APOBEC3G: variants seen among roughly 807,000 people sequenced by gnomAD.
APOBEC3G encodes DNA dC->dU-editing enzyme APOBEC-3G.
Under a neutral mutation model 50.0 loss-of-function variants are expected in APOBEC3G, and 44 were observed. The observed-to-expected ratio is 0.88, with a 90% CI of 0.69 to 1.13. The LOEUF (loss-of-function observed/expected upper bound fraction) is 1.13, where lower values mean the gene tolerates loss of function less well. APOBEC3G is among the 50% of genes most tolerant of loss of function. The pLI, the probability that APOBEC3G is intolerant of heterozygous loss-of-function variation, is 0.00. For missense variants in APOBEC3G, 469 were observed against 492.0 expected, an observed-to-expected ratio of 0.95 and a Z score of 0.44; for synonymous variants, 156 against 175.3, an observed-to-expected ratio of 0.89 and a Z score of 0.87.
At chr22:39,084,266 T>C (rs1349918113) in intron 5 of APOBEC3G, among the ~76,000 whole-genome samples, 3 of 152,158 alleles carry the variant, frequency 2.0e-5, no homozygotes, top group Admixed American at 6.5e-5. Context: ...CGGTGGCTCA[T>C]GCCTGTAATC....
At position 39,081,046 on chromosome 22, in the gene APOBEC3G, C is replaced by G. The variant is rs1928421878; in HGVS notation, c.285C>G (p.Ser95Arg). ...EYEVTWYISW[S>R]PCTKCTRDMA... is the part of the protein sequence containing the mutation. ...AGGTCACCTGGTACATATCCTGGAG[C>G]CCCTGCACAAAGTGTACAAGGGATA... The change falls in exon 3 of 8, where the codon AGC (serine) becomes AGG (arginine). Residue 95 changes from serine (S) to arginine (R), a missense_variant. Physicochemically the swap from Ser to Arg is moderately radical, Grantham distance 110 (BLOSUM62 -1). Transcript: ENST00000407997. The G allele has an allele frequency of 6.2e-7, 1 of 1,614,182 alleles. No individual in the cohort carries two copies. Among genetic ancestry groups the G allele is most frequent in the Non-Finnish European group, 8.5e-7 (1 of 1,180,028 alleles).
chr22:39,083,643 G>A, intron 4 of APOBEC3G, 88 bp from the exon 5 acceptor site: 2 of 1,478,972 alleles, frequency 1.4e-6, no homozygotes, highest in East Asian at 2.3e-5. Context: ...GGAGGGTGGG[G>A]TGCAAGGGAG....
chr22:39,084,574 A>G (rs1324422900), intron 5 of APOBEC3G, among the ~76,000 whole-genome samples: 2 of 151,760 alleles, frequency 1.3e-5, no homozygotes, highest in African/African-American at 2.4e-5. Flanking sequence ...GGATCCCCTC[A>G]CAGACACAGC....
At chr22:39,083,679 G>T in intron 4 of APOBEC3G, 52 bp from the exon 5 acceptor site, 1 of 1,590,378 alleles carries the variant, frequency 6.3e-7, no homozygotes, top group Non-Finnish European at 8.6e-7. Context: ...AGGGGGAGGT[G>T]GGACAGACCA....
At chr22:39,083,495 C>A (rs2146298447) in intron 4 of APOBEC3G, among the ~76,000 whole-genome samples, 1 of 152,326 alleles carries the variant, frequency 6.6e-6, no homozygotes, top group African/African-American at 2.4e-5. Context: ...CCTGACAAGG[C>A]TTAGACAGGC....
chr22:39,086,977 G>A (rs201264627), intron 6 of APOBEC3G, 34 bp from the exon 7 acceptor site: 12 of 1,570,538 alleles, frequency 7.6e-6, no homozygotes, highest in East Asian at 4.5e-5. Flanking sequence ...ATCCCACAGC[G>A]GGAGTGTGAC....
intron 7 of APOBEC3G, 129 bp from the exon 8 acceptor site, chr22:39,087,278 C>T: frequency 6.3e-7 from 1 of 1,595,040 alleles, no homozygotes; most frequent in Non-Finnish European, 8.6e-7. Flanking sequence ...TTCTCACAGC[C>T]TCCCTTTCTC....
chr22:39,081,702 T>C, intron 4 of APOBEC3G, 117 bp downstream of exon 4: 1 of 783,688 alleles, frequency 1.3e-6, no homozygotes. Context: ...CTGCCTTCCC[T>C]CCTGCCCCCT....
Position 39,087,630 on chromosome 22 carries a change from A to G in APOBEC3G, c.*209A>G. The G allele has an allele frequency of 9.8e-7, 1 of 1,025,468 alleles. No homozygotes were observed. Among genetic ancestry groups the G allele is most frequent in the Non-Finnish European group, 1.4e-6 (1 of 716,196 alleles). 63.5% of individuals were successfully genotyped at this position (1,025,468 alleles called of 1,614,324 possible). A position where few individuals can be genotyped will look rare whatever the true frequency, so the allele number is the denominator to read the frequency against. ...AAAAATTTATTTATATTTCAAGAATAAAGTACTAAGATTGTGCTCAATACA... is the reference window on the plus strand; with the variant it reads ...AAAAATTTATTTATATTTCAAGAATGAAGTACTAAGATTGTGCTCAATACA... On this transcript the variant is annotated 3_prime_UTR_variant, in exon 8 of 8. Transcript: ENST00000407997.
rs1459460902 is a variant in APOBEC3G, at chr22:39,083,868, G to T, written c.719G>T (p.Gly240Val). The change falls in exon 5 of 8, where the codon GGC (glycine) becomes GTC (valine). Residue 240 changes from glycine to valine, a missense_variant. By Grantham distance (109) the Gly-to-Val change is moderately radical (BLOSUM62 -3). Coordinates refer to ENST00000407997, the MANE Select transcript of APOBEC3G (RefSeq NM_021822.4). ...DTWVLLNQRRGFLCNQAPHKH... is the reference protein window; with the variant it reads ...DTWVLLNQRRVFLCNQAPHKH... ...TGGGTCCTGCTGAACCAGCGCAGGG[G>T]CTTTCTATGCAACCAGGTGACCAAC... 1 of 1,613,282 alleles carries T rather than the reference G, an allele frequency of 6.2e-7. No individual in the cohort carries two copies. The highest frequency in any genetic ancestry group is 8.5e-7 in the Non-Finnish European group (1 of 1,179,574).
chr22:39,086,676 C>A, intron 6 of APOBEC3G, 109 bp downstream of exon 6: 1 of 1,429,158 alleles, frequency 7.0e-7, no homozygotes, highest in Non-Finnish European at 9.4e-7. Context: ...AGGCCTTGAT[C>A]CTCTGCCTGC....
chr22:39,086,489 G>A lies in APOBEC3G; in HGVS notation c.946G>A (p.Asp316Asn). 6.2e-7 allele frequency: 1 copy of A among 1,614,128 alleles called. No individual in the cohort carries two copies. Among genetic ancestry groups the A allele is most frequent in the Non-Finnish European group, 8.5e-7 (1 of 1,180,004 alleles). ...GTGCATCTTCACTGCCCGCATCTAT[G>A]ATGATCAAGGAAGATGTCAGGAGGG... Reference protein sequence around the residue: ...SLCIFTARIYDDQGRCQEGLR... With the variant: ...SLCIFTARIYNDQGRCQEGLR... The change falls in exon 6 of 8, where the codon GAT becomes AAT. Residue 316 changes from aspartate (D) to asparagine (N), a missense_variant. Transcript: ENST00000407997.
At chr22:39,087,356 T>C (rs1928742121) in intron 7 of APOBEC3G, 51 bp from the exon 8 acceptor site, 4 of 1,613,890 alleles carry the variant, frequency 2.5e-6, no homozygotes, top group South Asian at 1.1e-5. Context: ...ACCATATGCC[T>C]ACTTTCCACT....
intron 1 of APOBEC3G, 124 bp downstream of exon 1, chr22:39,077,502 T>C: frequency 6.7e-7 from 1 of 1,495,098 alleles, no homozygotes; most frequent in Non-Finnish European, 9.0e-7. Context: ...CCCCTCTGAC[T>C]CCCCTGCACC....
chr22:39,081,611 G>C, intron 4 of APOBEC3G, 26 bp downstream of exon 4: 1 of 1,574,782 alleles, frequency 6.4e-7, no homozygotes, highest in Non-Finnish European at 8.7e-7. Context: ...CAGGCTCATC[G>C]CCTCGCTCCT....
chr22:39,080,717 G>C, intron 2 of APOBEC3G: 2 of 564,258 alleles, frequency 3.5e-6, no homozygotes, highest in Non-Finnish European at 6.3e-6. Flanking sequence ...ATAGCTGCTT[G>C]TAGGTGCCAC....
intron 1 of APOBEC3G, among the ~76,000 whole-genome samples, chr22:39,077,589 C>T (rs1928216756): frequency 1.3e-5 from 2 of 152,134 alleles, no homozygotes; most frequent in Non-Finnish European, 2.9e-5. Flanking sequence ...CCTCCCCCAT[C>T]TGTCCCAGCC....
At chr22:39,080,809 A>G (rs1928403901) in intron 2 of APOBEC3G, 124 bp from the exon 3 acceptor site, 8 of 863,386 alleles carry the variant, frequency 9.3e-6, no homozygotes, top group Non-Finnish European at 1.2e-5. Flanking sequence ...AGGGGGATGG[A>G]GGAAAGGAGC....
chr22:39,078,479 C>T lies in APOBEC3G; in HGVS notation c.18-453C>T, dbSNP rs543560102. 24 of 158,934 alleles carry T rather than the reference C, an allele frequency of 1.5e-4. 1 individual carries two copies. The South Asian group carries it at 4.3e-3, about 29-fold the overall frequency. 9.8% of individuals were successfully genotyped at this position (158,934 alleles called of 1,614,324 possible). A position where few individuals can be genotyped will look rare whatever the true frequency, so the allele number is the denominator to read the frequency against. ...CAGCTCTGTGGCCTGGGCAGGTTAC[C>T]CCGCCTCTCTGCGCGTCTGGCCCCT... On this transcript the variant is annotated intron_variant, in intron 1 of 7. Transcript: ENST00000407997.
Sources: gnomAD v4.1 joint callset for allele counts (sites outside exome capture counted in the v4.1 genomes callset) on GRCh38, gnomAD v4.1.1 for gene constraint, MANE v1.5 for transcripts, NCBI Gene and HGNC (gene_info 2026-07-23, HGNC 2026-07-21) for gene names.